The following SDK1 variants were observed in gnomAD, a reference collection of about 807,000 sequenced individuals.
The protein encoded by SDK1 is sidekick cell adhesion molecule 1.
SDK1 carries 157 observed loss-of-function variants against 245.5 expected under a neutral mutation model. That is an observed-to-expected ratio of 0.64 (90% CI 0.56 to 0.73). The LOEUF is 0.73. Ranked by LOEUF, SDK1 falls within the 30% of genes least tolerant of loss-of-function variation. The pLI is 0.00. For synonymous variants in SDK1, 1,647 were observed against 1,278.5 expected, an observed-to-expected ratio of 1.29 and a Z score of -6.15; for missense variants, 3,583 against 3,002.3, an observed-to-expected ratio of 1.19 and a Z score of -4.52.
At position 3,982,124 on chromosome 7, in the gene SDK1, T is replaced by C. The variant is rs79183712; in HGVS notation, c.1995-5062T>C. On this transcript the variant is annotated intron_variant, in intron 13 of 44. Coordinates refer to ENST00000404826, the MANE Select transcript of SDK1 (RefSeq NM_152744.4). ...CACTCATTTACTGTGCTGAAAATCT[T>C]AGGGCTCTTAAGAACGATGCTAAAT... Among the ~76,000 whole-genome samples, 732 of 152,328 alleles carry C rather than the reference T, an allele frequency of 4.8e-3. 6 individuals are homozygous for C. The highest frequency in any genetic ancestry group is 0.017 in the African/African-American group (689 of 41,560).
intron 4 of SDK1, among the ~76,000 whole-genome samples, chr7:3,688,607 C>G (rs1007177711): frequency 2.6e-5 from 4 of 152,228 alleles, no homozygotes; most frequent in African/African-American, 9.6e-5. Flanking sequence ...TTTCTAACAG[C>G]ATGATTTCTA....
At chr7:4,055,578 C>T (rs867475725) in intron 19 of SDK1, among the ~76,000 whole-genome samples, 1 of 151,484 alleles carries the variant, frequency 6.6e-6, no homozygotes, top group South Asian at 2.1e-4. Flanking sequence ...TTTTTTAGAA[C>T]CAGCCTCTTG....
chr7:3,998,251 G>C (rs1365495695), intron 14 of SDK1, among the ~76,000 whole-genome samples: 1 of 152,230 alleles, frequency 6.6e-6, no homozygotes, highest in Non-Finnish European at 1.5e-5. Flanking sequence ...GCTCCTATGG[G>C]CTCCTTGGAG....
At chr7:4,143,218 A>G (rs640945) in intron 28 of SDK1, among the ~76,000 whole-genome samples, 120,732 of 152,078 alleles carry the variant, frequency 0.79, 48,433 homozygotes, top group African/African-American at 0.92. Flanking sequence ...CACCACGCCC[A>G]TATCAGTGCC....
At chr7:3,372,099 C>T (rs978105178) in intron 1 of SDK1, among the ~76,000 whole-genome samples, 7 of 152,298 alleles carry the variant, frequency 4.6e-5, no homozygotes, top group South Asian at 2.1e-4. Context: ...ATTTATGTTC[C>T]ATTCACCCCT....
At chr7:4,100,871 C>A (rs1476114320) in intron 22 of SDK1, among the ~76,000 whole-genome samples, 1 of 152,128 alleles carries the variant, frequency 6.6e-6, no homozygotes, top group Admixed American at 6.5e-5. Context: ...AGCTGGGGGC[C>A]TGTGGGTTAA....
At chr7:3,616,857 A>T (rs1276896105) in intron 1 of SDK1, among the ~76,000 whole-genome samples, 1 of 152,244 alleles carries the variant, frequency 6.6e-6, no homozygotes, top group African/African-American at 2.4e-5. Flanking sequence ...GTTTATAAGA[A>T]CAGCTTAGTA....
chr7:4,213,489 G>A (rs186398820), intron 38 of SDK1, among the ~76,000 whole-genome samples: 4 of 152,190 alleles, frequency 2.6e-5, no homozygotes, highest in African/African-American at 9.6e-5. Flanking sequence ...GGAGGCTGAG[G>A]CAGGAGAATG....
At chr7:4,092,883 C>G in intron 22 of SDK1, among the ~76,000 whole-genome samples, 1 of 151,948 alleles carries the variant, frequency 6.6e-6, no homozygotes, top group Non-Finnish European at 1.5e-5. Flanking sequence ...AAAGCTCCCA[C>G]CACAACACTC....
chr7:3,690,682 T>C (rs374091101), intron 4 of SDK1, among the ~76,000 whole-genome samples: 6 of 152,178 alleles, frequency 3.9e-5, no homozygotes, highest in Admixed American at 2.6e-4. Context: ...AGGTCTTCTT[T>C]TGTAAGATTC....
At chr7:4,021,058 A>T (rs1222437517) in intron 17 of SDK1, among the ~76,000 whole-genome samples, 1 of 152,206 alleles carries the variant, frequency 6.6e-6, no homozygotes, top group Non-Finnish European at 1.5e-5. Context: ...ACTGACAGTA[A>T]CATCAAACAG....
At chr7:4,159,005 G>A (rs1232807205) in intron 31 of SDK1, among the ~76,000 whole-genome samples, 4 of 152,212 alleles carry the variant, frequency 2.6e-5, no homozygotes, top group African/African-American at 9.6e-5. Flanking sequence ...GCCTGAAGAT[G>A]GATTGTTATT....
intron 5 of SDK1, among the ~76,000 whole-genome samples, chr7:3,882,813 G>A (rs1190277070): frequency 6.6e-6 from 1 of 152,036 alleles, no homozygotes; most frequent in Non-Finnish European, 1.5e-5. Context: ...AATGAAAACT[G>A]AATTATAAAA....
intron 4 of SDK1, among the ~76,000 whole-genome samples, chr7:3,705,963 G>T (rs1028498356): frequency 6.6e-6 from 1 of 152,030 alleles, no homozygotes; most frequent in Non-Finnish European, 1.5e-5. Flanking sequence ...TTTGTTGAGG[G>T]TTTTTATAAT....
At chr7:3,766,903 A>G (rs1780270002) in intron 4 of SDK1, among the ~76,000 whole-genome samples, 1 of 152,230 alleles carries the variant, frequency 6.6e-6, no homozygotes, top group Non-Finnish European at 1.5e-5. Flanking sequence ...CTTTAACAAT[A>G]TGCCCAAAAG....
chr7:4,249,160 C>T (rs530603898), intron 44 of SDK1, among the ~76,000 whole-genome samples: 3 of 152,220 alleles, frequency 2.0e-5, no homozygotes, highest in African/African-American at 7.2e-5. Flanking sequence ...GACATGGAAC[C>T]CACACTAAAT....
chr7:3,971,998 G>A (rs1195331082), intron 12 of SDK1, among the ~76,000 whole-genome samples: 2 of 151,940 alleles, frequency 1.3e-5, no homozygotes, highest in Non-Finnish European at 2.9e-5. Context: ...GGAGTCCTGT[G>A]CATGGGACAA....
chr7:3,321,778 CTCCTTCCTTCCTTCCTTCCTTCCT>C (rs1186428883), intron 1 of SDK1, among the ~76,000 whole-genome samples: 92 of 50,376 alleles, frequency 1.8e-3, no homozygotes, highest in Non-Finnish European at 2.2e-3. Flanking sequence ...TTCCTTCCTT[CTCCTTCCTTCCTTCCTTCCTTCCT>C]TCCTTCCTTC....
chr7:3,841,240 C>A (rs546314978), intron 5 of SDK1, among the ~76,000 whole-genome samples: 1 of 152,110 alleles, frequency 6.6e-6, no homozygotes, highest in Non-Finnish European at 1.5e-5. Context: ...TGAGGGGGGC[C>A]GAGACCCAGA....
Sources: gnomAD v4.1 joint callset for allele counts (sites outside exome capture counted in the v4.1 genomes callset) on GRCh38, gnomAD v4.1.1 for gene constraint, MANE v1.5 for transcripts, NCBI Gene and HGNC (gene_info 2026-07-23, HGNC 2026-07-21) for gene names.